Variants in UMAD1 observed in about 807,000 individuals in gnomAD.
UMAD1 encodes UBAP1-MVB12-associated (UMA) domain containing 1.
Under a neutral mutation model 6.1 loss-of-function variants are expected in UMAD1, and 8 were observed. The ratio of observed to expected loss-of-function variants is 1.30; its 90% CI spans 0.76 to 2.35. UMAD1 has a LOEUF of 2.35. UMAD1 is among the 30% of genes most tolerant of loss of function. UMAD1 has a pLI of 0.00. For missense variants in UMAD1, 130 were observed against 78.4 expected (o/e 1.66, Z -2.49); for synonymous variants, 56 against 31.4 (o/e 1.78, Z -2.61).
chr7:7,840,022 A>G (rs1383272104), intron 3 of UMAD1, among the ~76,000 whole-genome samples: 1 of 152,174 alleles, frequency 6.6e-6, no homozygotes, highest in African/African-American at 2.4e-5. Context: ...GGTGTATACA[A>G]TGATGAAACA....
intron 2 of UMAD1, among the ~76,000 whole-genome samples, chr7:7,776,942 A>G (rs1201509509): frequency 1.3e-5 from 2 of 152,168 alleles, no homozygotes; most frequent in African/African-American, 4.8e-5. Context: ...TCTTTTATGT[A>G]TTCTTTCAGA....
intron 3 of UMAD1, among the ~76,000 whole-genome samples, chr7:7,823,241 T>C (rs1407990567): frequency 6.6e-6 from 1 of 152,142 alleles, no homozygotes; most frequent in Non-Finnish European, 1.5e-5. Flanking sequence ...CCCAAAAAGA[T>C]AAATAGGTCA....
At chr7:7,799,940 A>G (rs6942442) in intron 2 of UMAD1, among the ~76,000 whole-genome samples, 101,040 of 152,146 alleles carry the variant, frequency 0.66, 33,681 homozygotes, top group East Asian at 0.77. Context: ...CTGGAGTGCA[A>G]TGGCGCGTTC....
At chr7:7,767,476 C>G (rs1782012535) in intron 2 of UMAD1, among the ~76,000 whole-genome samples, 1 of 152,122 alleles carries the variant, frequency 6.6e-6, no homozygotes, top group Admixed American at 6.5e-5. Context: ...CGTTGCTAAG[C>G]ATGTTTATTT....
chr7:7,835,462 C>CT lies in UMAD1; in HGVS notation c.156+33757dup, dbSNP rs150411259. 1.2e-3 allele frequency among the ~76,000 whole-genome samples: 42 copies of CT among 33,676 alleles called. 6 individuals are homozygous for CT. The highest frequency in any genetic ancestry group is 2.0e-3 in the Non-Finnish European group (35 of 17,664). 22.1% of individuals were successfully genotyped at this position (33,676 alleles called of 152,430 possible). ...CATTCATTCACTCATTGAAACAGCA[C>CT]TTTTTTTTTTTTTTTTTTTTTTTTT... On this transcript the variant is annotated intron_variant, in intron 3 of 3. Coordinates refer to ENST00000682710, the MANE Select transcript of UMAD1 (RefSeq NM_001302348.2).
At chr7:7,738,465 T>C (rs538126023) in intron 2 of UMAD1, 1 of 152,382 alleles carries the variant, frequency 6.6e-6, no homozygotes, top group East Asian at 1.9e-4. Flanking sequence ...GTTGTTGGAC[T>C]AAGTTGTTGC....
chr7:7,747,219 A>G (rs1438799055), intron 2 of UMAD1, among the ~76,000 whole-genome samples: 3 of 152,198 alleles, frequency 2.0e-5, no homozygotes, highest in Non-Finnish European at 4.4e-5. Context: ...AGGAGAACAG[A>G]AATTGTTTAA....
chr7:7,720,130 A>G (rs1235933332), intron 2 of UMAD1, among the ~76,000 whole-genome samples: 1 of 152,234 alleles, frequency 6.6e-6, no homozygotes, highest in Admixed American at 6.5e-5. Flanking sequence ...ATTATTTCAA[A>G]TGTATAGTTC....
At chr7:7,834,016 CTTTT>C (rs4034895) in intron 3 of UMAD1, among the ~76,000 whole-genome samples, 15,518 of 111,298 alleles carry the variant, frequency 0.14, 2,011 homozygotes, top group African/African-American at 0.38. Context: ...TTTTTCTTTT[CTTTT>C]TTTTTTTTTT....
At chr7:7,645,817 AT>A (rs34158584) in intron 1 of UMAD1, among the ~76,000 whole-genome samples, 261 of 145,202 alleles carry the variant, frequency 1.8e-3, no homozygotes, top group Non-Finnish European at 1.7e-3. Context: ...TTTGTTTAGG[AT>A]TTTTTTTTTT....
Position 7,801,710 on chromosome 7 carries a change from A to G in UMAD1, c.123A>G (p.Lys41=). 1 of 718,126 alleles carries G rather than the reference A, an allele frequency of 1.4e-6. No individual in the cohort carries two copies. Among genetic ancestry groups the G allele is most frequent in the Non-Finnish European group, 2.6e-6 (1 of 385,224 alleles). 44.5% of individuals were successfully genotyped at this position (718,126 alleles called of 1,614,324 possible). A position where few individuals can be genotyped will look rare whatever the true frequency, so the allele number is the denominator to read the frequency against. The change falls in exon 3 of 4, where the codon AAA becomes AAG. Residue 41 remains lysine, a synonymous_variant. Transcript: ENST00000682710. ...TDEQRMTARG[K]TSDIEANQPL... ...AGCAAAGAATGACAGCAAGAGGCAA[A>G]ACTTCGGACATAGAGGCCAACCAAC...
At chr7:7,680,268 A>G (rs895557216) in intron 2 of UMAD1, among the ~76,000 whole-genome samples, 3 of 152,100 alleles carry the variant, frequency 2.0e-5, no homozygotes, top group Admixed American at 1.3e-4. Context: ...ATAGATATCC[A>G]GTTTTCCCAG....
chr7:7,709,990 G>A (rs950065345), intron 2 of UMAD1, among the ~76,000 whole-genome samples: 1 of 151,970 alleles, frequency 6.6e-6, no homozygotes, highest in African/African-American at 2.4e-5. Context: ...TTTTTCATAT[G>A]TGTAGTTTTG....
At chr7:7,666,141 T>A (rs536854445) in intron 1 of UMAD1, among the ~76,000 whole-genome samples, 115 of 152,278 alleles carry the variant, frequency 7.6e-4, no homozygotes, top group African/African-American at 2.7e-3. Flanking sequence ...AGAGTTCCAG[T>A]TGCTCCATAT....
At chr7:7,832,223 C>G (rs1396146896) in intron 3 of UMAD1, among the ~76,000 whole-genome samples, 1 of 152,204 alleles carries the variant, frequency 6.6e-6, no homozygotes, top group African/African-American at 2.4e-5. Flanking sequence ...CAAGTCCTCT[C>G]ACATGGTTCT....
chr7:7,819,871 A>G (rs991410850), intron 3 of UMAD1, among the ~76,000 whole-genome samples: 14 of 152,176 alleles, frequency 9.2e-5, no homozygotes, highest in South Asian at 2.1e-4. Context: ...TTATACACCT[A>G]TTTTGGATGA....
chr7:7,715,200 T>A (rs962332708), intron 2 of UMAD1: 2 of 152,238 alleles, frequency 1.3e-5, no homozygotes, highest in Non-Finnish European at 2.9e-5. Flanking sequence ...TCCCTGTGCA[T>A]TGTCTTCACA....
intron 3 of UMAD1, among the ~76,000 whole-genome samples, chr7:7,864,739 T>A (rs1784195643): frequency 6.6e-6 from 1 of 151,854 alleles, no homozygotes; most frequent in Non-Finnish European, 1.5e-5. Flanking sequence ...ACTGTACTAA[T>A]GAGATGGCTC....
chr7:7,733,165 T>A (rs942266100), intron 2 of UMAD1, among the ~76,000 whole-genome samples: 1 of 152,160 alleles, frequency 6.6e-6, no homozygotes, highest in Non-Finnish European at 1.5e-5. Context: ...GATACCCAGT[T>A]GGTATGTTTG....
Sources: allele counts gnomAD v4.1 joint callset (sites outside exome capture counted in the v4.1 genomes callset), GRCh38; gene constraint gnomAD v4.1.1; transcripts MANE v1.5; gene names NCBI Gene and HGNC (gene_info 2026-07-23, HGNC 2026-07-21).